The following GRB2 variants were observed in gnomAD, a reference collection of about 807,000 sequenced individuals.
GRB2 encodes growth factor receptor bound protein 2.
A neutral mutation model predicts 27.4 loss-of-function variants in GRB2; 2 were observed. The ratio of observed to expected loss-of-function variants is 0.07; its 90% CI spans 0.03 to 0.23. The LOEUF is 0.23. Ranked by LOEUF, GRB2 falls within the 10% of genes least tolerant of loss-of-function variation. The pLI, the probability that GRB2 is intolerant of heterozygous loss-of-function variation, is 1.00. For missense variants in GRB2, 102 were observed against 282.4 expected (o/e 0.36, Z 4.58); for synonymous variants, 94 against 99.6 (o/e 0.94, Z 0.33).
chr17:75,350,957 G>C (rs1277950287), intron 2 of GRB2, among the ~76,000 whole-genome samples: 4 of 152,182 alleles, frequency 2.6e-5, no homozygotes, highest in Admixed American at 2.6e-4. Context: ...GTCTAGGGGA[G>C]ACCAGGGACA....
At chr17:75,352,402 T>G (rs1399226721) in intron 2 of GRB2, among the ~76,000 whole-genome samples, 1 of 152,238 alleles carries the variant, frequency 6.6e-6, no homozygotes, top group African/African-American at 2.4e-5. Context: ...TAGGATGTAT[T>G]AACGCAAACA....
chr17:75,376,072 G>A (rs113854650), intron 2 of GRB2, among the ~76,000 whole-genome samples: 11,146 of 147,812 alleles, frequency 0.075, 433 homozygotes, highest in Middle Eastern at 0.13. Context: ...CATGAGCGCA[G>A]TGGCTCACGC....
intron 2 of GRB2, among the ~76,000 whole-genome samples, chr17:75,370,002 T>C (rs1035147188): frequency 1.2e-4 from 18 of 152,340 alleles, no homozygotes; most frequent in African/African-American, 4.1e-4. Context: ...ACTCAAAACA[T>C]GGACCATCAC....
At chr17:75,383,679 T>C (rs1225482380) in intron 2 of GRB2, among the ~76,000 whole-genome samples, 1 of 151,990 alleles carries the variant, frequency 6.6e-6, no homozygotes, top group Non-Finnish European at 1.5e-5. Context: ...CCGTCTCTAC[T>C]AAAAATACAA....
chr17:75,347,268 C>T (rs2078661519), intron 2 of GRB2, among the ~76,000 whole-genome samples: 1 of 152,126 alleles, frequency 6.6e-6, no homozygotes. Flanking sequence ...CAACTGAAAG[C>T]CTGAAAGCCA....
chr17:75,352,277 G>A (rs1310918641), intron 2 of GRB2, among the ~76,000 whole-genome samples: 2 of 152,098 alleles, frequency 1.3e-5, no homozygotes, highest in Admixed American at 6.5e-5. Flanking sequence ...GCCTTGCTCC[G>A]CCTCTAGTTC....
At chr17:75,353,492 G>A (rs1384397511) in intron 2 of GRB2, among the ~76,000 whole-genome samples, 4 of 152,116 alleles carry the variant, frequency 2.6e-5, no homozygotes, top group Non-Finnish European at 5.9e-5. Flanking sequence ...ACCGGGCGCG[G>A]TGGCTCACAC....
At chr17:75,338,206 A>G (rs533020538) in intron 2 of GRB2, among the ~76,000 whole-genome samples, 2 of 152,208 alleles carry the variant, frequency 1.3e-5, no homozygotes, top group East Asian at 3.9e-4. Flanking sequence ...CTAGGATTAC[A>G]GGCGCCTGTC....
intron 2 of GRB2, among the ~76,000 whole-genome samples, chr17:75,338,364 C>A (rs1253826556): frequency 6.6e-6 from 1 of 152,172 alleles, no homozygotes; most frequent in Non-Finnish European, 1.5e-5. Flanking sequence ...CGTGCCCGGC[C>A]ACAAATAATT....
At chr17:75,393,816 C>CCCG (rs1055396969) in intron 1 of GRB2, 51 bp from the exon 2 acceptor site, 1 of 559,914 alleles carries the variant, frequency 1.8e-6, no homozygotes, top group African/African-American at 1.9e-5. Flanking sequence ...TGAAGGCAAC[C>CCCG]CCGCCCTGCC....
In GRB2 at chr17:75,393,747, T is replaced by G. The variant is rs2079013083; in HGVS notation, c.-119A>C. 1 of 745,528 alleles carries G rather than the reference T, an allele frequency of 1.3e-6. No homozygotes were observed. The highest frequency in any genetic ancestry group is 1.5e-5 in the South Asian group (1 of 64,704). 46.2% of individuals were successfully genotyped at this position (745,528 alleles called of 1,614,324 possible). On this transcript the variant is annotated 5_prime_UTR_variant, in exon 2 of 6. Transcript: ENST00000316804. The stretch of plus-strand genomic sequence containing the variant: ...TCTTCTGGGACTCGCTCCGGCACTC[T>G]GGGACACACAATGCCACCCTGAAGC...
intron 2 of GRB2, among the ~76,000 whole-genome samples, chr17:75,380,146 G>T (rs1208772200): frequency 6.6e-6 from 1 of 151,990 alleles, no homozygotes; most frequent in Non-Finnish European, 1.5e-5. Flanking sequence ...GGTGGAAGAT[G>T]ATGTACTGCC....
chr17:75,326,654 C>T (rs2145821448), intron 3 of GRB2, among the ~76,000 whole-genome samples: 1 of 152,312 alleles, frequency 6.6e-6, no homozygotes, highest in South Asian at 2.1e-4. Context: ...TGTAATTTAC[C>T]ATATGCTCAG....
Position 75,333,091 on chromosome 17 carries a change from T to A in GRB2, c.79-294A>T, listed in dbSNP as rs1265531358. ...TGGCAAGTATTAGTTGTTTTTTTTTTTTAAGACGGAGTCTTGCTCTGTCGC... is the reference window on the plus strand; with the variant it reads ...TGGCAAGTATTAGTTGTTTTTTTTTATTAAGACGGAGTCTTGCTCTGTCGC... On this transcript the variant is annotated intron_variant, in intron 2 of 5. Transcript: ENST00000316804. 2.0e-5 allele frequency among the ~76,000 whole-genome samples: 3 copies of A among 152,010 alleles called. No homozygotes were observed. In the East Asian group the frequency reaches 5.8e-4, roughly 29 times the overall value.
At chr17:75,377,224 G>A (rs2078899754) in intron 2 of GRB2, among the ~76,000 whole-genome samples, 1 of 152,068 alleles carries the variant, frequency 6.6e-6, no homozygotes, top group African/African-American at 2.4e-5. Flanking sequence ...AGGAGACTGA[G>A]GTGAGATGAT....
chr17:75,384,769 C>G (rs1167783783), intron 2 of GRB2, among the ~76,000 whole-genome samples: 1 of 151,948 alleles, frequency 6.6e-6, no homozygotes, highest in African/African-American at 2.4e-5. Context: ...AATTCAGTTA[C>G]TTGGAGACAA....
rs67737628 is a variant in GRB2 at position 75,346,162 on chromosome 17, A to ATTTTTTT, written c.79-13372_79-13366dup. Among the ~76,000 whole-genome samples the ATTTTTTT allele has an allele frequency of 1.3e-4, 17 of 134,236 alleles. 2 individuals are homozygous for ATTTTTTT. The South Asian group carries it at 2.9e-3, about 23-fold the overall frequency. The allele number at this position is 134,236 out of a possible 152,430, so 88.1% of individuals were successfully genotyped here. A position where few individuals can be genotyped will look rare whatever the true frequency, so the allele number is the denominator to read the frequency against. On this transcript the variant is annotated intron_variant, in intron 2 of 5. Transcript: ENST00000316804. ...TCAGTGGTCTTCCTCTCGGCCACTG[A>ATTTTTTT]TTTTTTTTTTTTTTTTTTCTGAAAA...
chr17:75,332,645 G>T, intron 3 of GRB2, 55 bp downstream of exon 3: 1 of 972,254 alleles, frequency 1.0e-6, no homozygotes, highest in Non-Finnish European at 1.6e-6. Context: ...TAAAAAGAGT[G>T]TTTGAAACAA....
intron 4 of GRB2, among the ~76,000 whole-genome samples, chr17:75,325,119 C>T (rs2078490089): frequency 6.6e-6 from 1 of 151,990 alleles, no homozygotes. Context: ...TTCTATCCCC[C>T]ATTCAAAAAC....
Sources: gnomAD v4.1 joint callset for allele counts (sites outside exome capture counted in the v4.1 genomes callset) on GRCh38, gnomAD v4.1.1 for gene constraint, MANE v1.5 for transcripts, NCBI Gene and HGNC (gene_info 2026-07-23, HGNC 2026-07-21) for gene names.